ELMO3: variants seen among roughly 807,000 people sequenced by gnomAD.
ELMO3 encodes the protein engulfment and cell motility protein 3.
A neutral mutation model predicts 89.0 loss-of-function variants in ELMO3; 81 were observed. The ratio of observed to expected loss-of-function variants is 0.91; its 90% CI spans 0.76 to 1.09. The LOEUF is 1.09. ELMO3 is among the 50% of genes least tolerant of loss of function. ELMO3 has a pLI of 0.00. For synonymous variants in ELMO3, 406 were observed against 400.6 expected (o/e 1.01, Z -0.16); for missense variants, 959 against 972.8 (o/e 0.99, Z 0.19).
rs370559345 is a variant in ELMO3 at position 67,199,336 on chromosome 16, C to T, written c.10C>T (p.Pro4Ser). Residue 4 changes from proline to serine, a missense_variant, in exon 1 of 20, where the codon CCG (proline) becomes TCG (serine). Coordinates refer to ENST00000393997, the MANE Select transcript of ELMO3 (RefSeq NM_024712.5). MAP[P>S]RNVVKIAIKM... is the part of the protein sequence containing the mutation. ...ACGTCCCAGCTGGACCATGGCGCCT[C>T]CGCGGAACGTGGTGAAGATTGCCAT... 3 of 1,611,288 alleles carry T rather than the reference C, an allele frequency of 1.9e-6. No individual in the cohort carries two copies. The highest frequency in any genetic ancestry group is 2.2e-5 in the South Asian group (2 of 91,002).
rs1299202998 is a variant in ELMO3 at position 67,200,784 on chromosome 16, A to G, written c.641A>G (p.Asp214Gly). The G allele has an allele frequency of 6.2e-7, 1 of 1,613,380 alleles. No homozygotes were observed. The highest frequency in any genetic ancestry group is 8.5e-7 in the Non-Finnish European group (1 of 1,179,830). The change falls in exon 7 of 20, where the codon GAT becomes GGT. Residue 214 changes from aspartate (D) to glycine (G), a missense_variant. Asp to Gly is a moderately conservative substitution (Grantham distance 94). Coordinates refer to ENST00000393997, the MANE Select transcript of ELMO3 (RefSeq NM_024712.5). ...GQLVKSEVPL[D>G]RLLVHLQVMN... ...CTGGTCAAGAGCGAGGTGCCCCTGG[A>G]TAGGCTGCTGGTGCACCTACAGGTG...
In ELMO3 at chr16:67,203,626, G is replaced by C; in HGVS notation, c.1951-39G>C. 6.2e-7 allele frequency: 1 copy of C among 1,613,920 alleles called. No homozygotes were observed. The highest frequency in any genetic ancestry group is 1.1e-5 in the South Asian group (1 of 91,078). ...TGAGGTCGGCAGGTGGGCAGGGGAG[G>C]CAGATGGGCAGACCCTCACGGCTCT... is the stretch of plus-strand genomic sequence containing the variant. On this transcript the variant is annotated intron_variant, in intron 19 of 19. Coordinates refer to ENST00000393997, the MANE Select transcript of ELMO3 (RefSeq NM_024712.5). The surrounding 1 kb of genome is among the most constrained non-coding windows in gnomAD (Gnocchi z 4.6).
chr16:67,201,925 T>A (rs759787789), intron 11 of ELMO3, 52 bp downstream of exon 11: 1 of 1,605,632 alleles, frequency 6.2e-7, no homozygotes, highest in Admixed American at 1.7e-5. Flanking sequence ...CCAGGGCTGT[T>A]GTTCCAGGCG....
Position 67,202,935 on chromosome 16 carries a change from C to A in ELMO3, c.1606C>A (p.Arg536Ser), listed in dbSNP as rs760280102. Residue 536 changes from arginine to serine, a missense_variant, in exon 16 of 20, where the codon CGC (arginine) becomes AGC (serine). Coordinates refer to ENST00000393997, the MANE Select transcript of ELMO3 (RefSeq NM_024712.5). ...KLKPELMGLI[R>S]QQRLLRLCEG... ...GAAGCCAGAGCTCATGGGCCTGATC[C>A]GCCAGCAGCGCTTGCTCCGCCTCTG... The A allele has an allele frequency of 1.2e-6, 2 of 1,610,740 alleles. No homozygotes were observed. The highest frequency in any genetic ancestry group is 1.7e-6 in the Non-Finnish European group (2 of 1,179,916).
Position 67,199,758 on chromosome 16 carries a change from T to A in ELMO3, c.192+2T>A, listed in dbSNP as rs373740627. ...CACCGGAGATACATCACCGAGAATG[T>A]GAGTCCCCTCTCCCCAGCCCCAAGC... On this transcript the variant is annotated splice_donor_variant, in intron 3 of 19. Transcript: ENST00000393997. LOFTEE classifies it high-confidence loss of function. The A allele has an allele frequency of 1.9e-6, 3 of 1,610,192 alleles. No homozygotes were observed. The African/African-American group carries it at 4.0e-5, about 22-fold the overall frequency.
Position 67,203,697 on chromosome 16 carries a change from G to A in ELMO3, c.1983G>A (p.Leu661=), listed in dbSNP as rs201149669. 4 of 1,613,746 alleles carry A rather than the reference G, an allele frequency of 2.5e-6. No homozygotes were observed. The highest frequency in any genetic ancestry group is 2.7e-5 in the African/African-American group (2 of 75,044). The change falls in exon 20 of 20, where the codon TTG becomes TTA. Residue 661 remains leucine (L), a synonymous_variant. Coordinates refer to ENST00000393997, the MANE Select transcript of ELMO3 (RefSeq NM_024712.5). The surrounding 1 kb of genome is among the most constrained non-coding windows in gnomAD (Gnocchi z 4.6). ...FYLWTDGLSA[L]LGSPMGSEQT... ...TGTGGACAGATGGGCTCAGTGCCTT[G>A]CTGGGCAGTCCCATGGGCAGCGAGC... is the stretch of plus-strand genomic sequence containing the variant.
Position 67,202,688 on chromosome 16 carries a change from A to C in ELMO3, c.1460A>C (p.Glu487Ala), listed in dbSNP as rs761918823. Reference protein sequence around the residue: ...RTLALKPTSLELFRTKVNALT... With the variant: ...RTLALKPTSLALFRTKVNALT... ...CTGGCCCTGAAGCCCACTTCCCTGG[A>C]GCTCTTCCGAACCAAGGTGAATGCG... Residue 487 changes from glutamate to alanine, a missense_variant, in exon 15 of 20, where the codon GAG (glutamate) becomes GCG (alanine). Coordinates refer to ENST00000393997, the MANE Select transcript of ELMO3 (RefSeq NM_024712.5). The C allele has an allele frequency of 3.7e-6, 6 of 1,613,602 alleles. No homozygotes were observed. Among genetic ancestry groups the C allele is most frequent in the Non-Finnish European group, 5.1e-6 (6 of 1,179,966 alleles).
chr16:67,201,341 G>C (rs753426398), intron 8 of ELMO3, 44 bp from the exon 9 acceptor site: 1 of 1,611,708 alleles, frequency 6.2e-7, no homozygotes, highest in Non-Finnish European at 8.5e-7. Context: ...ACAGGCGTGA[G>C]CCACCGCGCC....
At chr16:67,202,150 C>T in intron 12 of ELMO3, 26 bp from the exon 13 acceptor site, 1 of 1,601,514 alleles carries the variant, frequency 6.2e-7, no homozygotes, top group Non-Finnish European at 8.5e-7. Context: ...AGCTGTGACT[C>T]CTTGCCCCAT....
chr16:67,202,636 G>GT lies in ELMO3; in HGVS notation c.1409dup (p.Val471GlyfsTer38). 1.2e-6 allele frequency: 2 copies of GT among 1,613,548 alleles called. No homozygotes were observed. Among genetic ancestry groups the GT allele is most frequent in the Non-Finnish European group, 1.7e-6 (2 of 1,179,964 alleles). The stretch of plus-strand genomic sequence containing the variant: ...GCTTGGGCGGCCCCAGGTCATGCAG[G>GT]TGGTGCGGGAGCAGCTGGCCCGCAC... On this transcript the variant is annotated frameshift_variant, in exon 15 of 20. Transcript: ENST00000393997. LOFTEE classifies it high-confidence loss of function.
chr16:67,203,284 G>C lies in ELMO3; in HGVS notation c.1781-43G>C. On this transcript the variant is annotated intron_variant, in intron 17 of 19. Transcript: ENST00000393997. This position sits in a 1 kb window ranked among gnomAD's most constrained non-coding sequence, Gnocchi z 4.6. ...CTCCCCAGACCGCCCTGGGCCCCGG[G>C]GCTGCCAGGGCTGCAGTGCTCAGCC... The C allele has an allele frequency of 6.3e-7, 1 of 1,586,422 alleles. No individual in the cohort carries two copies. The highest frequency in any genetic ancestry group is 8.5e-7 in the Non-Finnish European group (1 of 1,170,482).
In ELMO3 at chr16:67,202,286, TGA is replaced by T; in HGVS notation, c.1261+4_1261+5del. 3.1e-6 allele frequency: 5 copies of T among 1,609,782 alleles called. No individual in the cohort carries two copies. The highest frequency in any genetic ancestry group is 4.2e-6 in the Non-Finnish European group (5 of 1,177,188). Reference sequence around the variant, plus strand: ...AGCTGCTCCGTGTTGGGGAGCCCTGTGAGTGGCCTGGACTGGGCACAGCATGG... The same window carrying T: ...AGCTGCTCCGTGTTGGGGAGCCCTGTGTGGCCTGGACTGGGCACAGCATGG... On this transcript the variant is annotated splice_donor_region_variant and intron_variant, in intron 13 of 19. Coordinates refer to ENST00000393997, the MANE Select transcript of ELMO3 (RefSeq NM_024712.5).
chr16:67,199,564 G>A lies in ELMO3; in HGVS notation c.90G>A (p.Leu30=), dbSNP rs1281827155. 1.2e-6 allele frequency: 2 copies of A among 1,601,232 alleles called. No homozygotes were observed. The highest frequency in any genetic ancestry group is 8.5e-7 in the Non-Finnish European group (1 of 1,175,520). Residue 30 remains leucine, a synonymous_variant, in exon 2 of 20, where the codon CTG becomes CTA. Coordinates refer to ENST00000393997, the MANE Select transcript of ELMO3 (RefSeq NM_024712.5). ...CACTCCACTTGCAGGCGAAGCCCCT[G>A]GCCGCTGTGCTGAAGGAGGTGTGCG... ...QLIQLDQAKP[L]AAVLKEVCDA...
intron 11 of ELMO3, 47 bp from the exon 12 acceptor site, chr16:67,201,930 C>G (rs1377049424): frequency 6.2e-7 from 1 of 1,605,454 alleles, no homozygotes; most frequent in African/African-American, 1.3e-5. Flanking sequence ...GCTGTTGTTC[C>G]AGGCGGCCGT....
chr16:67,201,676 G>A (rs939304459), intron 10 of ELMO3, 34 bp downstream of exon 10: 1 of 1,609,132 alleles, frequency 6.2e-7, no homozygotes, highest in African/African-American at 1.3e-5. Flanking sequence ...GGCAGGGGGT[G>A]GCTTAGAGCT....
rs1040984432 is a variant in ELMO3, at chr16:67,203,002, A to G, written c.1673A>G (p.Gln558Arg). ...LFRKISSRRR[Q>R]DKLWFCCLSP... is the part of the protein sequence containing the mutation. ...CGCAAGATCAGCAGCCGGCGGCGCCAGGGTCTCTGAATGGGCATGGGCAGG... is the reference window on the plus strand; with the variant it reads ...CGCAAGATCAGCAGCCGGCGGCGCCGGGGTCTCTGAATGGGCATGGGCAGG... Residue 558 changes from glutamine (Q) to arginine (R), a missense_variant and splice_region_variant, in exon 16 of 20, where the codon CAG (glutamine) becomes CGG (arginine). Transcript: ENST00000393997. This position sits in a 1 kb window ranked among gnomAD's most constrained non-coding sequence, Gnocchi z 4.6. The G allele has an allele frequency of 7.5e-6, 12 of 1,605,156 alleles. No homozygotes were observed. The highest frequency in any genetic ancestry group is 1.1e-5 in the South Asian group (1 of 91,050).
Position 67,202,037 on chromosome 16 carries a change from ATGT to A in ELMO3, c.1115_1117del (p.Leu372del), listed in dbSNP as rs777980868. The A allele has an allele frequency of 4.4e-6, 6 of 1,366,416 alleles. No individual in the cohort carries two copies. Among genetic ancestry groups the A allele is most frequent in the Non-Finnish European group, 5.9e-6 (6 of 1,024,022 alleles). The allele number at this position is 1,366,416 out of a possible 1,614,324, so 84.6% of individuals were successfully genotyped here. On this transcript the variant is annotated inframe_deletion, in exon 12 of 20. Transcript: ENST00000393997. ...CCCCGGTCTGCTGGCCCTGGACAAC[ATGT>A]TGTACTTCTCCAGAAACGCGCCCAG...
intron 5 of ELMO3, 35 bp from the exon 6 acceptor site, chr16:67,200,416 G>T: frequency 6.2e-7 from 1 of 1,608,230 alleles, no homozygotes; most frequent in Non-Finnish European, 8.5e-7. Flanking sequence ...TGGTCCTGGG[G>T]TGGTCCTGCT....
Position 67,202,387 on chromosome 16 carries a change from C to G in ELMO3, c.1262-10C>G, listed in dbSNP as rs2033135699. On this transcript the variant is annotated splice_polypyrimidine_tract_variant and intron_variant, in intron 13 of 19. Coordinates refer to ENST00000393997, the MANE Select transcript of ELMO3 (RefSeq NM_024712.5). ...TTTCTCCCTGAGCCCCTCCTGCCCC[C>G]CCACTCCAGGCTCTGAGACAGCCCA... 1.2e-6 allele frequency: 2 copies of G among 1,613,676 alleles called. No homozygotes were observed. The highest frequency in any genetic ancestry group is 1.7e-6 in the Non-Finnish European group (2 of 1,180,024).
Sources: allele counts gnomAD v4.1 joint callset, GRCh38; gene constraint gnomAD v4.1.1; non-coding constraint Gnocchi (gnomAD v3.1); transcripts MANE v1.5; gene names NCBI Gene and HGNC (gene_info 2026-07-23, HGNC 2026-07-21).